Variants in FBXO22 observed in about 807,000 individuals in gnomAD.
The protein encoded by FBXO22 is F-box protein 22.
Under a neutral mutation model 37.2 loss-of-function variants are expected in FBXO22, and 13 were observed. The observed-to-expected ratio is 0.35, with a 90% confidence interval of 0.23 to 0.56. The LOEUF is 0.56. Ranked by LOEUF, FBXO22 falls within the 20% of genes least tolerant of loss-of-function variation. FBXO22 has a pLI of 0.87. For synonymous variants in FBXO22, 189 were observed against 189.1 expected, an observed-to-expected ratio of 1.00 and a Z score of 0.00; for missense variants, 446 against 509.9, an observed-to-expected ratio of 0.87 and a Z score of 1.21.
rs2030113392 is a variant in FBXO22, at chr15:75,933,043, G to T, written c.1153G>T (p.Asp385Tyr). The change falls in exon 7 of 7, where the codon GAT becomes TAT. Residue 385 changes from aspartate to tyrosine, a missense_variant. Asp to Tyr is a radical substitution (Grantham distance 160). Around this residue, in one of 2 missense-constraint regions of FBXO22, gnomAD observed 315 missense variants for 410.1 expected, o/e 0.77. Transcript: ENST00000308275. ...GAAATGTAATGAGGTAAAAGATGATGATCTGTTTCATAGCTATACAACAAT... is the reference window on the plus strand; with the variant it reads ...GAAATGTAATGAGGTAAAAGATGATTATCTGTTTCATAGCTATACAACAAT... ...LRKCNEVKDD[D>Y]LFHSYTTIMA... 4 of 1,614,020 alleles carry T rather than the reference G, an allele frequency of 2.5e-6. No homozygotes were observed. Among genetic ancestry groups the T allele is most frequent in the African/African-American group, 2.7e-5 (2 of 74,928 alleles).
Position 75,933,655 on chromosome 15 carries a change from G to A in FBXO22, c.*553G>A. The A allele has an allele frequency of 5.5e-6, 1 of 181,280 alleles. No homozygotes were observed. The allele number at this position is 181,280 out of a possible 1,614,324, so 11.2% of individuals were successfully genotyped here. On this transcript the variant is annotated 3_prime_UTR_variant, in exon 7 of 7. Coordinates refer to ENST00000308275, the MANE Select transcript of FBXO22 (RefSeq NM_147188.3). ...AAATTAAAGAACTATTTTTGTTTTG[G>A]TCAGATAAATTGACAAGACTAATCA...
In FBXO22 at chr15:75,914,080, A is replaced by G. The variant is rs567427307; in HGVS notation, c.368-30A>G. 4.7e-6 allele frequency: 7 copies of G among 1,487,656 alleles called. No homozygotes were observed. The African/African-American group carries it at 8.3e-5, about 18-fold the overall frequency. 92.2% of individuals were successfully genotyped at this position (1,487,656 alleles called of 1,614,324 possible). On this transcript the variant is annotated intron_variant, in intron 3 of 6. Transcript: ENST00000308275. ...TCAGATTTGACTTTAAATGGATGAT[A>G]TTTATCATTTTGCTACTGTATTTTT...
chr15:75,933,820 G>A lies in FBXO22; in HGVS notation c.*718G>A. On this transcript the variant is annotated 3_prime_UTR_variant, in exon 7 of 7. Transcript: ENST00000308275. ...TTTTATACCAATAAAACATAGCGTG[G>A]AACTCATTCAGGTAATGTTTTGCAT... 1 of 214,156 alleles carries A rather than the reference G, an allele frequency of 4.7e-6. No homozygotes were observed. The highest frequency in any genetic ancestry group is 9.8e-6 in the Non-Finnish European group (1 of 102,284). 13.3% of individuals were successfully genotyped at this position (214,156 alleles called of 1,614,324 possible).
Position 75,928,355 on chromosome 15 carries a change from C to G in FBXO22, c.629-1529C>G, listed in dbSNP as rs1007243659. ...CAAAGACATGGAATCAACCTGAATGCCCATCAGTGATAAACTGGATAAAGA... is the reference window on the plus strand; with the variant it reads ...CAAAGACATGGAATCAACCTGAATGGCCATCAGTGATAAACTGGATAAAGA... On this transcript the variant is annotated intron_variant, in intron 5 of 6. Coordinates refer to ENST00000308275, the MANE Select transcript of FBXO22 (RefSeq NM_147188.3). 2.0e-5 allele frequency among the ~76,000 whole-genome samples: 3 copies of G among 152,044 alleles called. No individual in the cohort carries two copies. In the South Asian group the frequency reaches 6.2e-4, roughly 32 times the overall value.
intron 6 of FBXO22, among the ~76,000 whole-genome samples, chr15:75,932,050 C>T (rs1407262453): frequency 6.6e-6 from 1 of 152,080 alleles, no homozygotes. Context: ...CCTATCTCTA[C>T]AAAATGTTTA....
At chr15:75,906,988 TA>T (rs1173399662) in intron 2 of FBXO22, among the ~76,000 whole-genome samples, 1 of 152,124 alleles carries the variant, frequency 6.6e-6, no homozygotes, top group East Asian at 1.9e-4. Context: ...TCTGAATTAT[TA>T]AAGACAAAAA....
Position 75,938,395 on chromosome 15 carries a change from C to T in FBXO22, c.*5293C>T, listed in dbSNP as rs2030587798. Reference sequence around the variant, plus strand: ...ACTCTCAAGGAAAAAAATCACAAACCATACAAAGGAACAGGAAAATAATGC... The same window carrying T: ...ACTCTCAAGGAAAAAAATCACAAACTATACAAAGGAACAGGAAAATAATGC... On this transcript the variant is annotated 3_prime_UTR_variant, in exon 7 of 7. Transcript: ENST00000308275. The T allele has an allele frequency of 6.6e-6, 1 of 151,974 alleles. No individual in the cohort carries two copies. The highest frequency in any genetic ancestry group is 6.6e-5 in the Admixed American group (1 of 15,262). The allele number at this position is 151,974 out of a possible 1,614,324, so 9.4% of individuals were successfully genotyped here. A position where few individuals can be genotyped will look rare whatever the true frequency, so the allele number is the denominator to read the frequency against.
intron 5 of FBXO22, among the ~76,000 whole-genome samples, chr15:75,924,096 G>A (rs1023715448): frequency 6.6e-6 from 1 of 152,176 alleles, no homozygotes; most frequent in African/African-American, 2.4e-5. Flanking sequence ...TGGAGATATT[G>A]ATTATAGACA....
intron 2 of FBXO22, among the ~76,000 whole-genome samples, chr15:75,907,895 T>G (rs1899963888): frequency 6.6e-6 from 1 of 152,044 alleles, no homozygotes; most frequent in Non-Finnish European, 1.5e-5. Flanking sequence ...TGAGCTGAGA[T>G]TGCACCACTT....
intron 5 of FBXO22, among the ~76,000 whole-genome samples, chr15:75,925,713 G>A (rs1285348151): frequency 6.8e-6 from 1 of 147,066 alleles, no homozygotes; most frequent in African/African-American, 2.5e-5. Flanking sequence ...ATCTATTCAA[G>A]ACAATGAGGC....
At chr15:75,930,414 A>G (rs1397728925) in intron 6 of FBXO22, 3 of 1,077,920 alleles carry the variant, frequency 2.8e-6, no homozygotes, top group Non-Finnish European at 3.4e-6. Context: ...CTTTATGGCA[A>G]AACTTCTCAG....
At chr15:75,931,014 C>A in intron 6 of FBXO22, 1 of 221,688 alleles carries the variant, frequency 4.5e-6, no homozygotes, top group Non-Finnish European at 7.6e-6. Flanking sequence ...CGTTGAATCC[C>A]AGGCAGGATA....
At chr15:75,928,886 T>G (rs2029902368) in intron 5 of FBXO22, among the ~76,000 whole-genome samples, 1 of 152,182 alleles carries the variant, frequency 6.6e-6, no homozygotes, top group East Asian at 1.9e-4. Context: ...TTGAACATTT[T>G]CCTGCTTTGC....
Position 75,933,232 on chromosome 15 carries a change from CT to C in FBXO22, c.*131del. 1 of 743,224 alleles carries C rather than the reference CT, an allele frequency of 1.3e-6. No individual in the cohort carries two copies. Among genetic ancestry groups the C allele is most frequent in the Non-Finnish European group, 2.2e-6 (1 of 464,948 alleles). The allele number at this position is 743,224 out of a possible 1,614,324, so 46.0% of individuals were successfully genotyped here. A position where few individuals can be genotyped will look rare whatever the true frequency, so the allele number is the denominator to read the frequency against. On this transcript the variant is annotated 3_prime_UTR_variant, in exon 7 of 7. Coordinates refer to ENST00000308275, the MANE Select transcript of FBXO22 (RefSeq NM_147188.3). ...CTTTTTTGTAGCTTTGATTGATGCT[CT>C]AAGATCACATGAGGGTAGTATTTAA...
chr15:75,923,111 C>T (rs1402346613), intron 5 of FBXO22, among the ~76,000 whole-genome samples: 1 of 152,120 alleles, frequency 6.6e-6, no homozygotes, highest in African/African-American at 2.4e-5. Flanking sequence ...TCCACCTGAG[C>T]ATCCTGGGAA....
chr15:75,911,759 TTCTC>T (rs1900057473), intron 2 of FBXO22, among the ~76,000 whole-genome samples: 1 of 151,508 alleles, frequency 6.6e-6, no homozygotes, highest in South Asian at 2.1e-4. Flanking sequence ...GCTTTATTCT[TTCTC>T]TTGCTTGATT....
intron 5 of FBXO22, among the ~76,000 whole-genome samples, chr15:75,929,525 T>G (rs1313412817): frequency 2.0e-5 from 3 of 151,928 alleles, no homozygotes; most frequent in African/African-American, 4.8e-5. Flanking sequence ...TTTTTTTTTT[T>G]TTGTTCCCTA....
At chr15:75,929,309 C>CA (rs11378024) in intron 5 of FBXO22, among the ~76,000 whole-genome samples, 131,258 of 146,880 alleles carry the variant, frequency 0.89, 58,625 homozygotes, top group East Asian at 0.96. Context: ...CCATCTCTAC[C>CA]AAAAAAAAAA....
At position 75,941,037 on chromosome 15, in the gene FBXO22, T is replaced by C. The variant is rs1366914350; in HGVS notation, c.*7935T>C. On this transcript the variant is annotated 3_prime_UTR_variant, in exon 7 of 7. Coordinates refer to ENST00000308275, the MANE Select transcript of FBXO22 (RefSeq NM_147188.3). ...GGGAGGAAATAATATGCAGTTCACGTACCTAATAAGGATTAAACATCCAGA... is the reference window on the plus strand; with the variant it reads ...GGGAGGAAATAATATGCAGTTCACGCACCTAATAAGGATTAAACATCCAGA... The C allele has an allele frequency of 6.6e-6, 1 of 152,144 alleles. No individual in the cohort carries two copies. Among genetic ancestry groups the C allele is most frequent in the Non-Finnish European group, 1.5e-5 (1 of 67,970 alleles). 9.4% of individuals were successfully genotyped at this position (152,144 alleles called of 1,614,324 possible).
Sources: gnomAD v4.1 joint callset for allele counts (sites outside exome capture counted in the v4.1 genomes callset) on GRCh38, gnomAD v4.1.1 for gene constraint, gnomAD v4.1.1 regional missense constraint, MANE v1.5 for transcripts, NCBI Gene and HGNC (gene_info 2026-07-23, HGNC 2026-07-21) for gene names.